EBF3: variants seen among roughly 807,000 people sequenced by gnomAD.
EBF3 encodes the protein EBF transcription factor 3.
EBF3 carries 18 observed loss-of-function variants against 77.1 expected under a neutral mutation model. The ratio of observed to expected loss-of-function variants is 0.23; its 90% CI spans 0.16 to 0.35. The LOEUF (loss-of-function observed/expected upper bound fraction) is 0.35. EBF3 is among the 10% of genes least tolerant of loss of function. The probability of loss-of-function intolerance (pLI) is 1.00; values close to 1 mark genes in which losing one functional copy is unlikely to be tolerated. For synonymous variants in EBF3, 350 were observed against 343.5 expected (o/e 1.02, Z -0.21); for missense variants, 558 against 860.0 (o/e 0.65, Z 4.39).
At chr10:129,843,099 G>GC (rs768424110) in intron 12 of EBF3, 38 bp downstream of exon 12, 17 of 1,603,190 alleles carry the variant, frequency 1.1e-5, no homozygotes, top group East Asian at 4.5e-5. Flanking sequence ...TTCTGGCATG[G>GC]GGGGGAGGAT....
At chr10:129,856,404 G>A (rs1851255159) in intron 10 of EBF3, among the ~76,000 whole-genome samples, 1 of 152,164 alleles carries the variant, frequency 6.6e-6, no homozygotes, top group African/African-American at 2.4e-5. Context: ...GCCATGTACA[G>A]GAGCAAAACC....
intron 6 of EBF3, among the ~76,000 whole-genome samples, chr10:129,884,116 C>T (rs1564854752): frequency 6.6e-6 from 1 of 152,172 alleles, no homozygotes; most frequent in Non-Finnish European, 1.5e-5. Flanking sequence ...CAGTGGAGTG[C>T]TTCCTCGAGG....
At chr10:129,858,827 G>A (rs1222749632) in intron 10 of EBF3, among the ~76,000 whole-genome samples, 1 of 152,156 alleles carries the variant, frequency 6.6e-6, no homozygotes, top group Non-Finnish European at 1.5e-5. Context: ...CACAGAAAGG[G>A]CTATCTCAAG....
intron 8 of EBF3, among the ~76,000 whole-genome samples, chr10:129,869,348 A>G (rs1852249225): frequency 6.6e-6 from 1 of 152,144 alleles, no homozygotes; most frequent in African/African-American, 2.4e-5. Flanking sequence ...AAAATGTAGT[A>G]ACTAAGCTTG....
intron 10 of EBF3, among the ~76,000 whole-genome samples, chr10:129,866,362 TCTC>T (rs1852013588): frequency 6.6e-6 from 1 of 152,174 alleles, no homozygotes; most frequent in African/African-American, 2.4e-5. Context: ...CTCAAGTGAT[TCTC>T]CTGCCTTTCA....
intron 6 of EBF3, among the ~76,000 whole-genome samples, chr10:129,887,769 T>C (rs1853709914): frequency 6.6e-6 from 1 of 152,138 alleles, no homozygotes; most frequent in South Asian, 2.1e-4. Flanking sequence ...GAGTCACACA[T>C]GGCGAGTGGT....
rs935529796 is a variant in EBF3, at chr10:129,938,380, A to G, written c.554+18878T>C. ...CATGGCAAAACCCCATCTCTATTTA[A>G]AAAAAAAAAAAAAAAAGACAAAAAT... On this transcript the variant is annotated intron_variant, in intron 6 of 16. Coordinates refer to ENST00000440978, the MANE Select transcript of EBF3 (RefSeq NM_001375380.1). The surrounding 1 kb of genome is among the most constrained non-coding windows in gnomAD (Gnocchi z 5.1). Among the ~76,000 whole-genome samples the G allele has an allele frequency of 1.4e-3, 11 of 8,086 alleles. 1 individual carries two copies. The South Asian group carries it at 0.034, about 25-fold the overall frequency. The allele number at this position is 8,086 out of a possible 152,430, so 5.3% of individuals were successfully genotyped here.
rs1312106145 is a variant in EBF3, at chr10:129,835,339, TAC to T, written c.*2602_*2603del. On this transcript the variant is annotated 3_prime_UTR_variant, in exon 17 of 17. Transcript: ENST00000440978. ...ATATTGTGTAAAATGAACATTTTTATACAGTTAAATATCTGAAAAAATGTACA... is the reference window on the plus strand; with the variant it reads ...ATATTGTGTAAAATGAACATTTTTATAGTTAAATATCTGAAAAAATGTACA... 1.3e-5 allele frequency: 2 copies of T among 152,626 alleles called. No individual in the cohort carries two copies. Among genetic ancestry groups the T allele is most frequent in the Non-Finnish European group, 2.9e-5 (2 of 68,050 alleles). 9.5% of individuals were successfully genotyped at this position (152,626 alleles called of 1,614,324 possible). A position where few individuals can be genotyped will look rare whatever the true frequency, so the allele number is the denominator to read the frequency against.
At position 129,877,636 on chromosome 10, in the gene EBF3, T is replaced by A. The variant is rs185070026; in HGVS notation, c.636+132A>T. On this transcript the variant is annotated intron_variant, in intron 7 of 16. Coordinates refer to ENST00000440978, the MANE Select transcript of EBF3 (RefSeq NM_001375380.1). ...ATTTTATTTGCATATTTTTATCAAA[T>A]GCACCAATTCCAGTTTGCTTCCAAG... 1.8e-5 allele frequency: 12 copies of A among 680,234 alleles called. No homozygotes were observed. In the East Asian group the frequency reaches 3.2e-4, roughly 18 times the overall value. 42.1% of individuals were successfully genotyped at this position (680,234 alleles called of 1,614,324 possible). A position where few individuals can be genotyped will look rare whatever the true frequency, so the allele number is the denominator to read the frequency against.
intron 4 of EBF3, among the ~76,000 whole-genome samples, chr10:129,960,572 T>C (rs983256336): frequency 6.6e-6 from 1 of 151,698 alleles, no homozygotes; most frequent in Non-Finnish European, 1.5e-5. Context: ...CAGAAATCCA[T>C]AAACTGTCGG....
intron 6 of EBF3, among the ~76,000 whole-genome samples, chr10:129,919,974 A>C (rs985387341): frequency 6.7e-6 from 1 of 148,438 alleles, no homozygotes; most frequent in East Asian, 2.0e-4. Flanking sequence ...TGTGCAGTCT[A>C]GGGCGAGTAT....
intron 4 of EBF3, among the ~76,000 whole-genome samples, chr10:129,959,266 A>C (rs1859288959): frequency 6.6e-6 from 1 of 151,592 alleles, no homozygotes; most frequent in Admixed American, 6.6e-5. Context: ...GCTGCAGGGA[A>C]GGCGCCGACT....
At chr10:129,946,903 T>C (rs10829664) in intron 6 of EBF3, among the ~76,000 whole-genome samples, 86,793 of 152,170 alleles carry the variant, frequency 0.57, 26,601 homozygotes, top group Non-Finnish European at 0.68. Context: ...TAGTGATCGC[T>C]GGCCTCCCCC....
At position 129,885,282 on chromosome 10, in the gene EBF3, G is replaced by A. The variant is rs546457709; in HGVS notation, c.555-7433C>T. Among the ~76,000 whole-genome samples the A allele has an allele frequency of 3.3e-5, 5 of 152,240 alleles. No homozygotes were observed. Among genetic ancestry groups the A allele is most frequent in the East Asian group, 1.9e-4 (1 of 5,188 alleles). On this transcript the variant is annotated intron_variant, in intron 6 of 16. Transcript: ENST00000440978. This position sits in a 1 kb window ranked among gnomAD's most constrained non-coding sequence, Gnocchi z 4.0. The stretch of plus-strand genomic sequence containing the variant: ...AGAACAGATCCCCGCCAAGTCCTCC[G>A]TTTGGAGAAATTTGTATGACTCGCA...
chr10:129,853,383 G>A (rs1851030676), intron 10 of EBF3, among the ~76,000 whole-genome samples: 1 of 152,164 alleles, frequency 6.6e-6, no homozygotes, highest in South Asian at 2.1e-4. Context: ...CCAGCTGCTG[G>A]CTGCAGCTAT....
At chr10:129,839,272 C>T (rs1169898538) in intron 15 of EBF3, 77 bp from the exon 16 acceptor site, 7 of 665,358 alleles carry the variant, frequency 1.1e-5, no homozygotes, top group Non-Finnish European at 1.2e-5. Flanking sequence ...ATTTGAGTCA[C>T]TGGGAGGAGC....
chr10:129,892,683 A>C (rs1210528855), intron 6 of EBF3, among the ~76,000 whole-genome samples: 1 of 152,258 alleles, frequency 6.6e-6, no homozygotes, highest in African/African-American at 2.4e-5. Context: ...GAGTACATTC[A>C]TCACTTAATG....
intron 6 of EBF3, among the ~76,000 whole-genome samples, chr10:129,884,543 T>C (rs1261671750): frequency 6.6e-6 from 1 of 152,238 alleles, no homozygotes; most frequent in East Asian, 1.9e-4. Flanking sequence ...ATTAAATTCT[T>C]GTACATTTCA....
intron 6 of EBF3, among the ~76,000 whole-genome samples, chr10:129,933,269 G>A (rs1321768226): frequency 1.3e-5 from 2 of 152,172 alleles, no homozygotes; most frequent in Non-Finnish European, 2.9e-5. Flanking sequence ...AGGGGATGCG[G>A]CCTCTCGAAA....
Sources: gnomAD v4.1 joint callset for allele counts (sites outside exome capture counted in the v4.1 genomes callset) on GRCh38, gnomAD v4.1.1 for gene constraint, Gnocchi (gnomAD v3.1) non-coding constraint, MANE v1.5 for transcripts, NCBI Gene and HGNC (gene_info 2026-07-23, HGNC 2026-07-21) for gene names.